IRF1: variants seen among roughly 807,000 people sequenced by gnomAD.
IRF1 encodes the protein interferon regulatory factor-1.
A neutral mutation model predicts 43.7 loss-of-function variants in IRF1; 13 were observed. That is an observed-to-expected ratio of 0.30 (90% CI 0.19 to 0.47). The LOEUF (loss-of-function observed/expected upper bound fraction) is 0.47, where lower values mean the gene tolerates loss of function less well. Among genes scored for constraint, IRF1 ranks in the 20% least tolerant of loss-of-function variants. IRF1 has a pLI of 0.99. For synonymous variants in IRF1, 138 were observed against 146.8 expected, an observed-to-expected ratio of 0.94 and a Z score of 0.43; for missense variants, 236 against 408.9, an observed-to-expected ratio of 0.58 and a Z score of 3.65.
intron 8 of IRF1, 62 bp from the exon 9 acceptor site, chr5:132,484,559 T>C: frequency 1.2e-6 from 2 of 1,600,998 alleles, no homozygotes; most frequent in South Asian, 2.2e-5. Context: ...CCTGTGGCCC[T>C]GCCCTCAATG....
intron 8 of IRF1, 142 bp from the exon 9 acceptor site, chr5:132,484,639 A>C (rs766077953): frequency 1.7e-4 from 179 of 1,068,558 alleles, no homozygotes; most frequent in Middle Eastern, 1.5e-3. Flanking sequence ...GCAGAAGTGC[A>C]CTGCAGTCAG....
intron 8 of IRF1, 171 bp downstream of exon 8, chr5:132,485,496 C>T (rs17848418): frequency 0.35 from 240,734 of 692,742 alleles, 42,778 homozygotes; most frequent in African/African-American, 0.49. Flanking sequence ...CTTCCCTTCC[C>T]ATGGTGGCTT....
At chr5:132,484,587 C>T in intron 8 of IRF1, 90 bp from the exon 9 acceptor site, 1 of 1,513,592 alleles carries the variant, frequency 6.6e-7, no homozygotes, top group Non-Finnish European at 9.0e-7. Flanking sequence ...TCCTCTCAGC[C>T]AGTATCACAC....
chr5:132,484,275 T>C (rs1309347323), intron 9 of IRF1, 87 bp downstream of exon 9: 15 of 1,385,618 alleles, frequency 1.1e-5, no homozygotes, highest in Admixed American at 3.8e-5. Context: ...TTTACCGCCC[T>C]GCTCCCTGGC....
intron 2 of IRF1, chr5:132,488,761 C>T (rs1554093403): frequency 1.3e-5 from 2 of 153,194 alleles, no homozygotes; most frequent in Non-Finnish European, 2.9e-5. Flanking sequence ...CCTCTGTTTA[C>T]TTATCTGAAA....
chr5:132,489,459 C>T lies in IRF1; in HGVS notation c.20G>A (p.Arg7His), dbSNP rs1462723403. 6.2e-7 allele frequency: 1 copy of T among 1,613,906 alleles called. No individual in the cohort carries two copies. Among genetic ancestry groups the T allele is most frequent in the Non-Finnish European group, 8.5e-7 (1 of 1,179,836 alleles). The change falls in exon 2 of 10, where the codon CGC becomes CAC. Residue 7 changes from arginine (R) to histidine (H), a missense_variant. Transcript: ENST00000245414. ...CTGCATCTCTAGCCAGGGTCTCATG[C>T]GCATCCGAGTGATGGGCATGTTGGC... MPITRMRMRPWLEMQIN... is the reference protein window; with the variant it reads MPITRMHMRPWLEMQIN...
At chr5:132,486,131 G>T in intron 7 of IRF1, 120 bp downstream of exon 7, 1 of 1,381,720 alleles carries the variant, frequency 7.2e-7, no homozygotes. Context: ...CTAAGACTGG[G>T]CAATGCCCAA....
chr5:132,486,765 A>C, intron 5 of IRF1, 30 bp downstream of exon 5: 1 of 1,614,196 alleles, frequency 6.2e-7, no homozygotes, highest in Non-Finnish European at 8.5e-7. Flanking sequence ...ACAGGTGACC[A>C]AAGGCCTGGC....
intron 7 of IRF1, 113 bp downstream of exon 7, chr5:132,486,138 C>A: frequency 7.0e-7 from 1 of 1,437,862 alleles, no homozygotes; most frequent in Non-Finnish European, 9.6e-7. Flanking sequence ...TGGGCAATGC[C>A]CAACTCAATC....
rs1263053885 is a variant in IRF1, at chr5:132,490,382, G to GGCTCGCA, written c.-6+156_-6+162dup. On this transcript the variant is annotated intron_variant, in intron 1 of 9. Transcript: ENST00000245414. The surrounding 1 kb of genome is among the most constrained non-coding windows in gnomAD (Gnocchi z 5.8). ...CCGCCCTCCCCGCGCCGCGGCCCGC[G>GGCTCGCA]GCTCGCAGCTCCTCCGGCGCCCCCC... 2 of 149,528 alleles carry GGCTCGCA rather than the reference G, an allele frequency of 1.3e-5. No individual in the cohort carries two copies. The allele number at this position is 149,528 out of a possible 1,614,324, so 9.3% of individuals were successfully genotyped here.
intron 6 of IRF1, 89 bp downstream of exon 6, chr5:132,486,468 T>C: frequency 6.2e-7 from 1 of 1,610,716 alleles, no homozygotes; most frequent in Non-Finnish European, 8.5e-7. Flanking sequence ...CCTGCACTAA[T>C]GGGCCACCAT....
intron 1 of IRF1, 27 bp from the exon 2 acceptor site, chr5:132,489,510 T>C: frequency 6.3e-7 from 1 of 1,591,546 alleles, no homozygotes. Flanking sequence ...GAGGCTCCAG[T>C]CTGGAATCTG....
intron 2 of IRF1, chr5:132,488,256 C>A (rs950785937): frequency 5.0e-5 from 26 of 519,614 alleles, no homozygotes; most frequent in African/African-American, 7.7e-5. Flanking sequence ...ATTATTAGCT[C>A]ACAAAGACCT....
chr5:132,489,600 A>G (rs1467833597), intron 1 of IRF1, 117 bp from the exon 2 acceptor site: 1 of 739,982 alleles, frequency 1.4e-6, no homozygotes, highest in Non-Finnish European at 2.4e-6. Context: ...GCTGCTAGGT[A>G]CTACACTCAG....
chr5:132,484,162 C>T, intron 9 of IRF1, 87 bp from the exon 10 acceptor site: 1 of 1,543,206 alleles, frequency 6.5e-7, no homozygotes, highest in Admixed American at 1.7e-5. Flanking sequence ...ATAGACATGG[C>T]CTCTGCTCTT....
rs1330434378 is a variant in IRF1, at chr5:132,486,570, C to G, written c.531G>C (p.Gln177His). Residue 177 changes from glutamine to histidine, a missense_variant, in exon 6 of 10, where the codon CAG becomes CAC. Physicochemically the swap from Gln to His is conservative, Grantham distance 24 (BLOSUM62 0). Coordinates refer to ENST00000245414, the MANE Select transcript of IRF1 (RefSeq NM_002198.3). Reference sequence around the variant, plus strand: ...GGACCAGCTCACCTGGAGTCAGGGCCTGCTCCACCTCCAAGTCCTGCATGT... The same window carrying G: ...GGACCAGCTCACCTGGAGTCAGGGCGTGCTCCACCTCCAAGTCCTGCATGT... ...PGYMQDLEVE[Q>H]ALTPALSPCA... is the part of the protein sequence containing the mutation. 4 of 1,613,988 alleles carry G rather than the reference C, an allele frequency of 2.5e-6. No individual in the cohort carries two copies. Among genetic ancestry groups the G allele is most frequent in the Admixed American group, 3.3e-5 (2 of 59,992 alleles).
chr5:132,485,329 G>C (rs370151634), intron 8 of IRF1: 2 of 292,426 alleles, frequency 6.8e-6, no homozygotes, highest in South Asian at 1.3e-4. Flanking sequence ...GATTATTGAA[G>C]CCTGATGTGC....
At chr5:132,486,144 C>CA (rs751820815) in intron 7 of IRF1, 107 bp downstream of exon 7, 5 of 1,466,966 alleles carry the variant, frequency 3.4e-6, no homozygotes, top group Non-Finnish European at 4.7e-6. Flanking sequence ...ATGCCCAACT[C>CA]AATCAATTCA....
At position 132,483,609 on chromosome 5, in the gene IRF1, C is replaced by T. The variant is rs1412804759; in HGVS notation, c.*342G>A. On this transcript the variant is annotated 3_prime_UTR_variant, in exon 10 of 10. Coordinates refer to ENST00000245414, the MANE Select transcript of IRF1 (RefSeq NM_002198.3). ...TTTTCTGGGGTCACTGGTCTGTTCC[C>T]CTAGGAGCCAGCCAGTGACAGCGAG... 1 of 264,262 alleles carries T rather than the reference C, an allele frequency of 3.8e-6. No individual in the cohort carries two copies. The highest frequency in any genetic ancestry group is 7.5e-6 in the Non-Finnish European group (1 of 133,950). 16.4% of individuals were successfully genotyped at this position (264,262 alleles called of 1,614,324 possible).
Sources: allele counts gnomAD v4.1 joint callset, GRCh38; gene constraint gnomAD v4.1.1; non-coding constraint Gnocchi (gnomAD v3.1); transcripts MANE v1.5; gene names NCBI Gene and HGNC (gene_info 2026-07-23, HGNC 2026-07-21).